The following HIP1 variants were observed in gnomAD, a reference collection of about 807,000 sequenced individuals.
HIP1 encodes the protein huntingtin interacting protein 1.
HIP1 carries 65 observed loss-of-function variants against 147.6 expected under a neutral mutation model. That is an observed-to-expected ratio of 0.44 (90% CI 0.36 to 0.54). The LOEUF (loss-of-function observed/expected upper bound fraction) is 0.54. Ranked by LOEUF, HIP1 falls within the 20% of genes least tolerant of loss-of-function variation. The pLI is 0.00. For synonymous variants in HIP1, 479 were observed against 504.0 expected (o/e 0.95, Z 0.67); for missense variants, 1,061 against 1,299.6 (o/e 0.82, Z 2.82).
At chr7:75,640,608 C>G (rs1324769673) in intron 1 of HIP1, among the ~76,000 whole-genome samples, 1 of 151,846 alleles carries the variant, frequency 6.6e-6, no homozygotes, top group Admixed American at 6.6e-5. Flanking sequence ...CAAAAATTAG[C>G]CGGGTGGGGT....
At chr7:75,626,473 A>G (rs1798042899) in intron 1 of HIP1, 1 of 152,214 alleles carries the variant, frequency 6.6e-6, no homozygotes, top group South Asian at 2.1e-4. Flanking sequence ...TGAATGATAC[A>G]TGTCAAGGCA....
At chr7:75,702,054 C>G (rs2117328284) in intron 1 of HIP1, among the ~76,000 whole-genome samples, 1 of 151,578 alleles carries the variant, frequency 6.6e-6, no homozygotes, top group South Asian at 2.1e-4. Context: ...CTCACCCTCC[C>G]AAGTAGCTGG....
rs1217430907 is a variant in HIP1, at chr7:75,533,538, C to G, written c.*4634G>C. 3 of 231,970 alleles carry G rather than the reference C, an allele frequency of 1.3e-5. No individual in the cohort carries two copies. The highest frequency in any genetic ancestry group is 2.6e-5 in the Non-Finnish European group (3 of 117,314). The allele number at this position is 231,970 out of a possible 1,614,324, so 14.4% of individuals were successfully genotyped here. ...ACAAACCCAACCCTATCCCTGCAAA[C>G]TGAAATGTGAAAGAGTCTGTTATAA... On this transcript the variant is annotated 3_prime_UTR_variant, in exon 31 of 31. Transcript: ENST00000336926.
intron 11 of HIP1, 73 bp downstream of exon 11, chr7:75,562,862 G>T (rs1795276518): frequency 6.6e-7 from 1 of 1,512,698 alleles, no homozygotes; most frequent in African/African-American, 1.4e-5. Flanking sequence ...CTTTGGCCAG[G>T]GTCTCCCCCA....
At position 75,657,981 on chromosome 7, in the gene HIP1, A is replaced by T. The variant is rs147653323; in HGVS notation, c.121-58734T>A. ...TACTAAGAAATACTATGCAGTAGTT[A>T]AAAAGAATGTGGTTGATCTAAAAAT... On this transcript the variant is annotated intron_variant, in intron 1 of 30. Transcript: ENST00000336926. 3.2e-3 allele frequency among the ~76,000 whole-genome samples: 493 copies of T among 152,312 alleles called. 4 individuals are homozygous for T. Among genetic ancestry groups the T allele is most frequent in the Non-Finnish European group, 5.2e-3 (351 of 68,024 alleles).
intron 22 of HIP1, among the ~76,000 whole-genome samples, chr7:75,551,093 T>C (rs1794764334): frequency 6.6e-6 from 1 of 151,850 alleles, no homozygotes; most frequent in South Asian, 2.1e-4. Context: ...AAAAAGCCAG[T>C]TGTAGAAGAA....
At chr7:75,673,485 T>C (rs1799787800) in intron 1 of HIP1, among the ~76,000 whole-genome samples, 1 of 152,158 alleles carries the variant, frequency 6.6e-6, no homozygotes, top group Non-Finnish European at 1.5e-5. Flanking sequence ...ATATTAACAA[T>C]ATTAAGTCTT....
At chr7:75,583,639 G>A (rs1554499011) in intron 5 of HIP1, among the ~76,000 whole-genome samples, 1 of 151,988 alleles carries the variant, frequency 6.6e-6, no homozygotes, top group Non-Finnish European at 1.5e-5. Flanking sequence ...GCCCACGCTG[G>A]AGTGCAGTGG....
At chr7:75,705,189 C>A (rs1299837964) in intron 1 of HIP1, among the ~76,000 whole-genome samples, 5 of 152,088 alleles carry the variant, frequency 3.3e-5, no homozygotes, top group Admixed American at 1.3e-4. Flanking sequence ...TCCCTTCCCC[C>A]AAGCCCCTGG....
intron 1 of HIP1, among the ~76,000 whole-genome samples, chr7:75,678,340 CTTTTT>C (rs782045169): frequency 1.2e-5 from 1 of 86,318 alleles, no homozygotes; most frequent in Non-Finnish European, 2.2e-5. Context: ...TTCCTTTATT[CTTTTT>C]TTTTTTTTTT....
chr7:75,544,172 C>CAAAAAAA (rs369891293), intron 27 of HIP1, among the ~76,000 whole-genome samples: 1 of 96,632 alleles, frequency 1.0e-5, no homozygotes, highest in African/African-American at 3.8e-5. Flanking sequence ...GCTCTGTCTC[C>CAAAAAAA]AAAAAAAAAA....
At chr7:75,675,845 G>C (rs1384348038) in intron 1 of HIP1, among the ~76,000 whole-genome samples, 1 of 152,096 alleles carries the variant, frequency 6.6e-6, no homozygotes, top group Non-Finnish European at 1.5e-5. Context: ...GCCAGGCATG[G>C]TGGTGTGTGC....
At chr7:75,577,012 G>A (rs1426141590) in intron 7 of HIP1, among the ~76,000 whole-genome samples, 3 of 152,034 alleles carry the variant, frequency 2.0e-5, no homozygotes, top group Non-Finnish European at 4.4e-5. Flanking sequence ...GTGCCCTATT[G>A]GACAGTGCAC....
intron 1 of HIP1, among the ~76,000 whole-genome samples, chr7:75,652,410 C>T (rs1256312134): frequency 1.3e-5 from 2 of 151,974 alleles, no homozygotes; most frequent in Admixed American, 1.3e-4. Context: ...GCTCTGTCAT[C>T]TGGAGTGCAG....
chr7:75,623,204 A>G (rs1394301351), intron 1 of HIP1, among the ~76,000 whole-genome samples: 9 of 140,668 alleles, frequency 6.4e-5, no homozygotes, highest in Non-Finnish European at 9.4e-5. Flanking sequence ...TCTCAAAAAA[A>G]AAAAGCAAAA....
chr7:75,643,673 T>A (rs1798717241), intron 1 of HIP1, among the ~76,000 whole-genome samples: 1 of 152,144 alleles, frequency 6.6e-6, no homozygotes, highest in East Asian at 1.9e-4. Context: ...TGAAATGTTA[T>A]TACCTGCATA....
In HIP1 at chr7:75,533,608, C is replaced by T. The variant is rs1584759314; in HGVS notation, c.*4564G>A. On this transcript the variant is annotated 3_prime_UTR_variant, in exon 31 of 31. Coordinates refer to ENST00000336926, the MANE Select transcript of HIP1 (RefSeq NM_005338.7). ...TCACCAAGATGTAACCGAACCCCCT[C>T]GGTTTGTCCCTATGAGTGGTAATCA... 4.3e-6 allele frequency: 1 copy of T among 232,576 alleles called. No individual in the cohort carries two copies. The highest frequency in any genetic ancestry group is 8.5e-6 in the Non-Finnish European group (1 of 117,594). The allele number at this position is 232,576 out of a possible 1,614,324, so 14.4% of individuals were successfully genotyped here. A position where few individuals can be genotyped will look rare whatever the true frequency, so the allele number is the denominator to read the frequency against.
intron 2 of HIP1, among the ~76,000 whole-genome samples, chr7:75,595,252 C>CTT (rs1236147985): frequency 3.5e-4 from 28 of 80,742 alleles, no homozygotes; most frequent in African/African-American, 1.0e-3. Context: ...TTCTTTCTTT[C>CTT]TTCCTTCCTT....
At chr7:75,627,467 A>T (rs1195156669) in intron 1 of HIP1, among the ~76,000 whole-genome samples, 3 of 152,178 alleles carry the variant, frequency 2.0e-5, no homozygotes, top group African/African-American at 7.2e-5. Context: ...TCCTAGATCA[A>T]AGTGAGGGGC....
Sources: allele counts gnomAD v4.1 joint callset (sites outside exome capture counted in the v4.1 genomes callset), GRCh38; gene constraint gnomAD v4.1.1; transcripts MANE v1.5; gene names NCBI Gene and HGNC (gene_info 2026-07-23, HGNC 2026-07-21).